CLNK: variants seen among roughly 807,000 people sequenced by gnomAD.
The protein encoded by CLNK is cytokine dependent hematopoietic cell linker.
In CLNK, 74 loss-of-function variants were observed where a neutral mutation model predicts 68.6. The ratio of observed to expected loss-of-function variants is 1.08; its 90% CI spans 0.89 to 1.31. The LOEUF (loss-of-function observed/expected upper bound fraction) is 1.31, where lower values mean the gene tolerates loss of function less well. Among genes scored for constraint, CLNK ranks in the 50% most tolerant of loss-of-function variants. The pLI is 0.00. For synonymous variants in CLNK, 198 were observed against 172.2 expected, an observed-to-expected ratio of 1.15 and a Z score of -1.17; for missense variants, 553 against 515.3, an observed-to-expected ratio of 1.07 and a Z score of -0.71.
At chr4:10,553,139 C>A (rs143071842) in intron 8 of CLNK, among the ~76,000 whole-genome samples, 49 of 152,250 alleles carry the variant, frequency 3.2e-4, no homozygotes, top group Non-Finnish European at 5.1e-4. Flanking sequence ...CCGCCCCAAA[C>A]AATGGATCAT....
chr4:10,558,333 A>C (rs1719755261), intron 8 of CLNK, 74 bp downstream of exon 8: 1 of 1,227,534 alleles, frequency 8.1e-7, no homozygotes, highest in Non-Finnish European at 1.2e-6. Flanking sequence ...CACAAACAGT[A>C]ATGCGAGAGG....
At chr4:10,530,682 T>C (rs866109784) in intron 12 of CLNK, among the ~76,000 whole-genome samples, 1 of 152,212 alleles carries the variant, frequency 6.6e-6, no homozygotes, top group African/African-American at 2.4e-5. Flanking sequence ...CCTCTCAGAC[T>C]GACCAAAGGG....
At chr4:10,597,881 C>T (rs1036684910) in intron 3 of CLNK, 97 bp downstream of exon 3, 3 of 816,994 alleles carry the variant, frequency 3.7e-6, no homozygotes, top group African/African-American at 3.4e-5. Flanking sequence ...CAGGTCATTC[C>T]ATCACATTGA....
In CLNK at chr4:10,490,003, T is replaced by G. The variant is rs13127304; in HGVS notation, c.*464A>C. Reference sequence around the variant, plus strand: ...TGTAAGAAATCATCCACACATTGTATATATGTAAGGCCCAACAACTGACAT... The same window carrying G: ...TGTAAGAAATCATCCACACATTGTAGATATGTAAGGCCCAACAACTGACAT... On this transcript the variant is annotated 3_prime_UTR_variant, in exon 19 of 19. Transcript: ENST00000226951. The G allele has an allele frequency of 0.72, 111,822 of 154,460 alleles. 40,964 individuals are homozygous for G. The highest frequency in any genetic ancestry group is 0.79 in the Non-Finnish European group (55,355 of 69,954). The allele number at this position is 154,460 out of a possible 1,614,324, so 9.6% of individuals were successfully genotyped here. A position where few individuals can be genotyped will look rare whatever the true frequency, so the allele number is the denominator to read the frequency against.
At position 10,565,858 on chromosome 4, in the gene CLNK, G is replaced by A. The variant is rs1720087614; in HGVS notation, c.292+151C>T. ...GTTTTCAGAAAGAGAAAGTGGATTG[G>A]AGAGACTTTCTCAAGGTCACACAGC... On this transcript the variant is annotated intron_variant, in intron 6 of 18. Coordinates refer to ENST00000226951, the MANE Select transcript of CLNK (RefSeq NM_052964.4). The A allele has an allele frequency of 1.8e-5, 14 of 757,276 alleles. No individual in the cohort carries two copies. In the South Asian group the frequency reaches 3.1e-4, roughly 17 times the overall value. 46.9% of individuals were successfully genotyped at this position (757,276 alleles called of 1,614,324 possible).
chr4:10,523,870 CA>C, intron 14 of CLNK: 1 of 310,500 alleles, frequency 3.2e-6, no homozygotes. Context: ...ACAAAGAGTA[CA>C]AAAATTAGCT....
intron 3 of CLNK, among the ~76,000 whole-genome samples, chr4:10,596,150 CA>C (rs1428816393): frequency 1.3e-5 from 2 of 152,220 alleles, no homozygotes; most frequent in African/African-American, 4.8e-5. Flanking sequence ...CTCAGCCTCC[CA>C]AGTAGCTCGG....
At chr4:10,700,879 A>G in the CLNK span, among the ~76,000 whole-genome samples, 1 of 152,338 alleles carries the variant, frequency 6.6e-6, no homozygotes, top group African/African-American at 2.4e-5. Context: ...TTATACATGT[A>G]CAAAATGATG....
At chr4:10,617,544 G>A (rs1722284105) in intron 2 of CLNK, among the ~76,000 whole-genome samples, 1 of 152,142 alleles carries the variant, frequency 6.6e-6, no homozygotes, top group Non-Finnish European at 1.5e-5. Context: ...TAGACACTTG[G>A]TAGTTATGCA....
chr4:10,671,452 A>C (rs991879144), intron 1 of CLNK, among the ~76,000 whole-genome samples: 4 of 152,160 alleles, frequency 2.6e-5, no homozygotes, highest in Admixed American at 1.3e-4. Context: ...AGTTAGCCAC[A>C]AAGTGTCATC....
At chr4:10,614,841 G>A (rs1257359791) in intron 2 of CLNK, among the ~76,000 whole-genome samples, 1 of 152,196 alleles carries the variant, frequency 6.6e-6, no homozygotes, top group East Asian at 1.9e-4. Flanking sequence ...TAATCACAGA[G>A]GTCATCTGGT....
At chr4:10,615,124 C>A (rs976539232) in intron 2 of CLNK, among the ~76,000 whole-genome samples, 1 of 151,960 alleles carries the variant, frequency 6.6e-6, no homozygotes, top group African/African-American at 2.4e-5. Context: ...AGGTGGAGGT[C>A]GGCAGTGACC....
chr4:10,542,204 G>T, intron 9 of CLNK, 51 bp downstream of exon 9: 1 of 1,279,556 alleles, frequency 7.8e-7, no homozygotes, highest in Non-Finnish European at 1.1e-6. Flanking sequence ...ATATCTCTAG[G>T]CTTCTAAAGT....
chr4:10,717,483 C>T, the CLNK span, among the ~76,000 whole-genome samples: 339 of 152,326 alleles, frequency 2.2e-3, 1 homozygote, highest in African/African-American at 7.8e-3. Context: ...GTAATTCCAG[C>T]TCCTCGGGAG....
chr4:10,526,251 CTCATTCAT>C (rs369141328), intron 13 of CLNK, among the ~76,000 whole-genome samples: 1 of 152,118 alleles, frequency 6.6e-6, no homozygotes, highest in Non-Finnish European at 1.5e-5. Context: ...TAGCTTCCTC[CTCATTCAT>C]TCATTCATTT....
chr4:10,606,715 A>T (rs896426518), intron 2 of CLNK, among the ~76,000 whole-genome samples: 3 of 152,316 alleles, frequency 2.0e-5, no homozygotes, highest in Admixed American at 1.3e-4. Context: ...TGGGGTCACC[A>T]TCATATAGAA....
At chr4:10,650,950 ACCT>A (rs1723709781) in intron 2 of CLNK, among the ~76,000 whole-genome samples, 1 of 152,184 alleles carries the variant, frequency 6.6e-6, no homozygotes, top group African/African-American at 2.4e-5. Context: ...CATGAAAAAA[ACCT>A]CATCATCACT....
At chr4:10,587,394 T>C (rs1346329713) in intron 3 of CLNK, among the ~76,000 whole-genome samples, 1 of 152,250 alleles carries the variant, frequency 6.6e-6, no homozygotes, top group Non-Finnish European at 1.5e-5. Context: ...CTCCCGAGGA[T>C]GCTACTTCGG....
intron 8 of CLNK, among the ~76,000 whole-genome samples, chr4:10,544,535 C>A (rs924420621): frequency 6.6e-6 from 1 of 152,020 alleles, no homozygotes; most frequent in Non-Finnish European, 1.5e-5. Context: ...CAGCACGGTG[C>A]GGAGAGTAGG....
Sources: allele counts gnomAD v4.1 joint callset (sites outside exome capture counted in the v4.1 genomes callset), GRCh38; gene constraint gnomAD v4.1.1; transcripts MANE v1.5; gene names NCBI Gene and HGNC (gene_info 2026-07-23, HGNC 2026-07-21).